LNPK: variants seen among roughly 807,000 people sequenced by gnomAD.
LNPK encodes the protein lunapark, ER junction formation factor.
In LNPK, 29 loss-of-function variants were observed where a neutral mutation model predicts 55.2. The ratio of observed to expected loss-of-function variants is 0.53; its 90% CI spans 0.39 to 0.72. The LOEUF (loss-of-function observed/expected upper bound fraction) is 0.72, where lower values mean the gene tolerates loss of function less well. LNPK is among the 30% of genes least tolerant of loss of function. LNPK has a pLI of 0.00. For synonymous variants in LNPK, 162 were observed against 168.2 expected (o/e 0.96, Z 0.29); for missense variants, 467 against 494.8 (o/e 0.94, Z 0.53).
At chr2:175,996,492 A>T (rs1479210765) in intron 1 of LNPK, among the ~76,000 whole-genome samples, 1 of 152,208 alleles carries the variant, frequency 6.6e-6, no homozygotes, top group East Asian at 1.9e-4. Flanking sequence ...TCTAAGCCTT[A>T]ATTTTCTTTT....
intron 6 of LNPK, among the ~76,000 whole-genome samples, chr2:175,968,546 C>T (rs1478488117): frequency 2.0e-5 from 3 of 152,244 alleles, no homozygotes; most frequent in East Asian, 1.9e-4. Context: ...TAAAGGGCCA[C>T]AAAATACGTG....
At chr2:175,974,770 A>G (rs200528292) in intron 5 of LNPK, among the ~76,000 whole-genome samples, 4 of 152,286 alleles carry the variant, frequency 2.6e-5, no homozygotes, top group South Asian at 2.1e-4. Flanking sequence ...GCTTAAAAAA[A>G]TACTATGTGA....
chr2:175,979,632 A>G (rs1456999929), intron 5 of LNPK, among the ~76,000 whole-genome samples, 178 bp downstream of exon 5: 1 of 152,174 alleles, frequency 6.6e-6, no homozygotes, highest in African/African-American at 2.4e-5. Context: ...TGGAAATAAC[A>G]CAAATTAAAA....
In LNPK at chr2:175,964,561, T is replaced by C. The variant is rs751846233; in HGVS notation, c.386A>G (p.Tyr129Cys). 6.2e-7 allele frequency: 1 copy of C among 1,609,844 alleles called. No individual in the cohort carries two copies. The highest frequency in any genetic ancestry group is 1.1e-5 in the South Asian group (1 of 90,968). The change falls in exon 7 of 13, where the codon TAC becomes TGC. Residue 129 changes from tyrosine to cysteine, a missense_variant. Coordinates refer to ENST00000272748, the MANE Select transcript of LNPK (RefSeq NM_030650.3). ...ILEEVMEKET[Y>C]KTAKLILERF... ...TTCAAGAATTAATTTAGCCGTCTTG[T>C]AAGTTTCTTTTTCCATGACTTCTTC...
At chr2:175,960,873 G>T (rs1175948093) in intron 8 of LNPK, among the ~76,000 whole-genome samples, 4 of 152,016 alleles carry the variant, frequency 2.6e-5, no homozygotes, top group African/African-American at 9.7e-5. Flanking sequence ...AATGATAAAG[G>T]GGATATCACC....
intron 12 of LNPK, among the ~76,000 whole-genome samples, chr2:175,934,716 T>G (rs749501879): frequency 5.9e-5 from 9 of 151,692 alleles, no homozygotes; most frequent in Non-Finnish European, 1.3e-4. Flanking sequence ...TACGGTACTA[T>G]CTATTTAACC....
intron 9 of LNPK, among the ~76,000 whole-genome samples, chr2:175,942,595 A>C (rs1684906234): frequency 6.6e-6 from 1 of 152,142 alleles, no homozygotes; most frequent in Non-Finnish European, 1.5e-5. Flanking sequence ...CAGGATTCAA[A>C]GAAAAAATGA....
chr2:175,944,672 C>T (rs1685034289), intron 9 of LNPK, among the ~76,000 whole-genome samples: 1 of 152,192 alleles, frequency 6.6e-6, no homozygotes, highest in South Asian at 2.1e-4. Flanking sequence ...TTGGAAGATG[C>T]CCTGCAATAT....
rs1352274332 is a variant in LNPK, at chr2:175,929,708, CA to C, written c.*258del. On this transcript the variant is annotated 3_prime_UTR_variant, in exon 13 of 13. Transcript: ENST00000272748. ...CATGTTTGCTTACTTTTAGAATGGA[CA>C]AAAAAGTATCTAAAAGCTGTCTCAA... 3 of 1,280,030 alleles carry C rather than the reference CA, an allele frequency of 2.3e-6. No homozygotes were observed. The highest frequency in any genetic ancestry group is 9.9e-7 in the Non-Finnish European group (1 of 1,014,118). 79.3% of individuals were successfully genotyped at this position (1,280,030 alleles called of 1,614,324 possible).
chr2:175,995,402 T>A (rs1687884529), intron 2 of LNPK, among the ~76,000 whole-genome samples, 156 bp downstream of exon 2: 1 of 151,706 alleles, frequency 6.6e-6, no homozygotes, highest in Admixed American at 6.6e-5. Context: ...AGTATTAAAA[T>A]AAAAAAATAG....
chr2:175,958,072 G>A (rs1325193458), intron 8 of LNPK, among the ~76,000 whole-genome samples: 1 of 152,224 alleles, frequency 6.6e-6, no homozygotes, highest in African/African-American at 2.4e-5. Context: ...CGAACTGGGT[G>A]GAGTCCACCT....
At position 175,940,942 on chromosome 2, in the gene LNPK, G is replaced by A. The variant is rs546522120; in HGVS notation, c.707-1285C>T. On this transcript the variant is annotated intron_variant, in intron 9 of 12. Coordinates refer to ENST00000272748, the MANE Select transcript of LNPK (RefSeq NM_030650.3). ...AAAAACTGGTGAACTTTAAGACATA[G>A]CAATAGAAACCATACAAAATGACAA... 146 of 453,940 alleles carry A rather than the reference G, an allele frequency of 3.2e-4. 1 individual carries two copies. The highest frequency in any genetic ancestry group is 2.8e-3 in the African/African-American group (141 of 49,828). The allele number at this position is 453,940 out of a possible 1,614,324, so 28.1% of individuals were successfully genotyped here.
At chr2:175,962,660 T>C (rs536478507) in intron 8 of LNPK, among the ~76,000 whole-genome samples, 283 of 152,224 alleles carry the variant, frequency 1.9e-3, no homozygotes, top group Non-Finnish European at 3.0e-3. Flanking sequence ...ACTTCATGTC[T>C]AAAACACTAA....
At chr2:175,965,581 GA>G in intron 6 of LNPK, among the ~76,000 whole-genome samples, 1 of 152,250 alleles carries the variant, frequency 6.6e-6, no homozygotes, top group South Asian at 2.1e-4. Flanking sequence ...CACATTTACT[GA>G]GTTAAAAATA....
At chr2:175,960,028 T>C (rs1559047608) in intron 8 of LNPK, among the ~76,000 whole-genome samples, 1 of 152,160 alleles carries the variant, frequency 6.6e-6, no homozygotes, top group Non-Finnish European at 1.5e-5. Context: ...TAAATATATA[T>C]GCACCCAACA....
chr2:175,947,861 T>A (rs557097966), intron 8 of LNPK, among the ~76,000 whole-genome samples, 169 bp from the exon 9 acceptor site: 10 of 152,320 alleles, frequency 6.6e-5, no homozygotes, highest in African/African-American at 2.4e-4. Flanking sequence ...AGTACTCTAT[T>A]TCTGAACTTA....
Position 175,942,985 on chromosome 2 carries a change from C to T in LNPK, c.707-3328G>A, listed in dbSNP as rs1027258955. Among the ~76,000 whole-genome samples, 26 of 149,416 alleles carry T rather than the reference C, an allele frequency of 1.7e-4. 1 individual carries two copies. The highest frequency in any genetic ancestry group is 4.0e-4 in the Admixed American group (6 of 15,036). ...AGAAAGGAGAAAAATGCCATAACTACGGATTGTAAAAACATTAAAAGAATA... is the reference window on the plus strand; with the variant it reads ...AGAAAGGAGAAAAATGCCATAACTATGGATTGTAAAAACATTAAAAGAATA... On this transcript the variant is annotated intron_variant, in intron 9 of 12. Coordinates refer to ENST00000272748, the MANE Select transcript of LNPK (RefSeq NM_030650.3).
intron 12 of LNPK, among the ~76,000 whole-genome samples, chr2:175,932,544 C>CA (rs1684327444): frequency 6.6e-6 from 1 of 152,048 alleles, no homozygotes; most frequent in Non-Finnish European, 1.5e-5. Context: ...TTTTTAATGG[C>CA]AGTAACACTA....
chr2:175,947,428 G>T, intron 9 of LNPK, 52 bp downstream of exon 9: 1 of 1,489,628 alleles, frequency 6.7e-7, no homozygotes, highest in Admixed American at 1.7e-5. Context: ...CGTTTTATTG[G>T]TAACCAGAGA....
Sources: allele counts gnomAD v4.1 joint callset (sites outside exome capture counted in the v4.1 genomes callset), GRCh38; gene constraint gnomAD v4.1.1; transcripts MANE v1.5; gene names NCBI Gene and HGNC (gene_info 2026-07-23, HGNC 2026-07-21).